The following FBN3 variants were observed in gnomAD, a reference collection of about 807,000 sequenced individuals.
FBN3 encodes fibrillin 3, also known as fibrillin-3.
FBN3 carries 234 observed loss-of-function variants against 330.1 expected under a neutral mutation model. The ratio of observed to expected loss-of-function variants is 0.71; its 90% CI spans 0.64 to 0.79. The LOEUF is 0.79. FBN3 is among the 30% of genes least tolerant of loss of function. The probability of loss-of-function intolerance (pLI) is 0.00; values close to 1 mark genes in which losing one functional copy is unlikely to be tolerated. For missense variants in FBN3, 3,606 were observed against 3,886.9 expected, an observed-to-expected ratio of 0.93 and a Z score of 1.92; for synonymous variants, 1,458 against 1,517.3, an observed-to-expected ratio of 0.96 and a Z score of 0.91.
chr19:8,109,277 A>T lies in FBN3; in HGVS notation c.4568T>A (p.Leu1523Gln). Reference sequence around the variant, plus strand: ...ACAGGGATTGCCCCAAGCCCGGCCCAGGGAGCAACAGCAGGAAGCTCGGGT... The same window carrying T: ...ACAGGGATTGCCCCAAGCCCGGCCCTGGGAGCAACAGCAGGAAGCTCGGGT... ...GVTRASCCCS[L>Q]GRAWGNPCEL... is the part of the protein sequence containing the mutation. The change falls in exon 36 of 64, where the codon CTG (leucine) becomes CAG (glutamine). Residue 1523 changes from leucine (L) to glutamine (Q), a missense_variant. Transcript: ENST00000600128. This position sits in a 1 kb window ranked among gnomAD's most constrained non-coding sequence, Gnocchi z 5.2. 6.2e-7 allele frequency: 1 copy of T among 1,614,120 alleles called. No individual in the cohort carries two copies. Among genetic ancestry groups the T allele is most frequent in the East Asian group, 2.2e-5 (1 of 44,888 alleles).
chr19:8,079,925 T>C (rs1298722144), intron 59 of FBN3, among the ~76,000 whole-genome samples: 1 of 152,214 alleles, frequency 6.6e-6, no homozygotes, highest in Non-Finnish European at 1.5e-5. Flanking sequence ...TGTCTGCCTC[T>C]AGTCTTGATT....
In FBN3 at chr19:8,100,351, C is replaced by CA. The variant is rs201560844; in HGVS notation, c.5161+549dup. ...GGTTCAAATGATACTTTCTCGGAGA[C>CA]AAAAAAAAAAAAGTCTTACTCTATC... On this transcript the variant is annotated intron_variant, in intron 41 of 63. Transcript: ENST00000600128. Among the ~76,000 whole-genome samples the CA allele has an allele frequency of 6.3e-4, 88 of 140,778 alleles. 1 individual carries two copies. Among genetic ancestry groups the CA allele is most frequent in the South Asian group, 1.2e-3 (5 of 4,338 alleles). 92.4% of individuals were successfully genotyped at this position (140,778 alleles called of 152,430 possible). A position where few individuals can be genotyped will look rare whatever the true frequency, so the allele number is the denominator to read the frequency against.
chr19:8,117,470 A>C lies in FBN3; in HGVS notation c.3457T>G (p.Cys1153Gly), dbSNP rs754148650. The C allele has an allele frequency of 2.4e-5, 38 of 1,561,390 alleles. No individual in the cohort carries two copies. Among genetic ancestry groups the C allele is most frequent in the Non-Finnish European group, 3.1e-5 (36 of 1,152,402 alleles). ...CAGGTGGGCACAGTCTCACCCACGC[A>C]GCCCTGGCGGTCAGGTGTGCTCTGG... Reference protein sequence around the residue: ...GFQSTPDRQGCVDINECRVQN... With the variant: ...GFQSTPDRQGGVDINECRVQN... The change falls in exon 27 of 64, where the codon TGC becomes GGC. Residue 1153 changes from cysteine to glycine, a missense_variant. Cys to Gly is a radical substitution (Grantham distance 159). Transcript: ENST00000600128.
In FBN3 at chr19:8,123,476, G is replaced by A. The variant is rs755053637; in HGVS notation, c.3070C>T (p.Arg1024Trp). The A allele has an allele frequency of 4.6e-5, 75 of 1,613,724 alleles. No homozygotes were observed. The highest frequency in any genetic ancestry group is 6.7e-5 in the Admixed American group (4 of 59,940). The change falls in exon 24 of 64, where the codon CGG becomes TGG. Residue 1024 changes from arginine to tryptophan, a missense_variant. Transcript: ENST00000600128. ...AGGFALDAQE[R>W]NCTDIDECRI... Reference sequence around the variant, plus strand: ...AGGTGGCACCTACCTGTGCAGTTCCGTTCCTGGGCATCCAGGGCGAAGCCC... The same window carrying A: ...AGGTGGCACCTACCTGTGCAGTTCCATTCCTGGGCATCCAGGGCGAAGCCC...
intron 51 of FBN3, 24 bp from the exon 52 acceptor site, chr19:8,088,203 C>A: frequency 6.4e-7 from 1 of 1,565,248 alleles, no homozygotes. Context: ...AGGGGGTGGT[C>A]AGCACCTGCA....
chr19:8,094,080 T>G (rs1285709575), intron 47 of FBN3, among the ~76,000 whole-genome samples: 1 of 152,086 alleles, frequency 6.6e-6, no homozygotes, highest in East Asian at 1.9e-4. Context: ...GCCAGACTTG[T>G]TAGTCCAGAC....
Position 8,087,991 on chromosome 19 carries a change from C to A in FBN3, c.6497-44G>T, listed in dbSNP as rs377118706. Reference sequence around the variant, plus strand: ...GTGCCAGCTGGGTAGGGACTGAGGGCGGGACCTCCACTCCCTCCCCCAGGC... The same window carrying A: ...GTGCCAGCTGGGTAGGGACTGAGGGAGGGACCTCCACTCCCTCCCCCAGGC... On this transcript the variant is annotated intron_variant, in intron 52 of 63. Coordinates refer to ENST00000600128, the MANE Select transcript of FBN3 (RefSeq NM_032447.5). The A allele has an allele frequency of 5.0e-6, 8 of 1,613,936 alleles. No individual in the cohort carries two copies. The East Asian group carries it at 1.6e-4, about 31-fold the overall frequency.
intron 18 of FBN3, among the ~76,000 whole-genome samples, chr19:8,127,839 G>A (rs1223509645): frequency 6.6e-6 from 1 of 151,898 alleles, no homozygotes. Context: ...AAATTAGCTG[G>A]GCGTGATGGC....
chr19:8,123,657 T>C (rs2082907774), intron 23 of FBN3, 68 bp from the exon 24 acceptor site: 14 of 1,604,348 alleles, frequency 8.7e-6, no homozygotes, highest in South Asian at 1.1e-5. Context: ...AAGCCCTCCC[T>C]GGGTTCTTAG....
intron 18 of FBN3, among the ~76,000 whole-genome samples, chr19:8,127,146 C>T (rs1443896320): frequency 1.3e-5 from 2 of 149,274 alleles, no homozygotes; most frequent in Non-Finnish European, 3.0e-5. Flanking sequence ...CAACCTCCGT[C>T]TCCCGGGTTC....
At chr19:8,102,356 G>A (rs1206905546) in intron 40 of FBN3, among the ~76,000 whole-genome samples, 6 of 151,890 alleles carry the variant, frequency 4.0e-5, no homozygotes, top group South Asian at 4.2e-4. Context: ...CTGGGATTAC[G>A]GGCCTGCGCC....
At position 8,141,956 on chromosome 19, in the gene FBN3, G is replaced by A; in HGVS notation, c.723C>T (p.His241=). 3 of 1,614,254 alleles carry A rather than the reference G, an allele frequency of 1.9e-6. No individual in the cohort carries two copies. Among genetic ancestry groups the A allele is most frequent in the East Asian group, 2.2e-5 (1 of 44,894 alleles). The change falls in exon 7 of 64, where the codon CAC becomes CAT. Residue 241 remains histidine (H), a synonymous_variant. Transcript: ENST00000600128. ...PCRRGFIPNI[H]TGACQDVDEC... ...ACTATTCACCTTGGCAGGCCCCCGT[G>A]TGGATATTGGGGATGAAGCCGCGGC...
At chr19:8,148,402 G>A (rs2083600517) in intron 1 of FBN3, among the ~76,000 whole-genome samples, 1 of 152,166 alleles carries the variant, frequency 6.6e-6, no homozygotes, top group Admixed American at 6.5e-5. Flanking sequence ...CCGCTTCTGT[G>A]CCCATTTCAC....
chr19:8,080,124 G>C (rs1430198286), intron 59 of FBN3, among the ~76,000 whole-genome samples: 1 of 152,220 alleles, frequency 6.6e-6, no homozygotes, highest in East Asian at 1.9e-4. Context: ...GCTTGGCTGT[G>C]TGTCAATCAA....
intron 59 of FBN3, 79 bp from the exon 60 acceptor site, chr19:8,075,490 C>T: frequency 6.8e-6 from 10 of 1,476,974 alleles, no homozygotes; most frequent in Non-Finnish European, 9.2e-6. Flanking sequence ...AGTCCCACCA[C>T]TGTGTGGCTT....
At chr19:8,103,412 T>A in intron 39 of FBN3, 150 bp downstream of exon 39, 1 of 794,524 alleles carries the variant, frequency 1.3e-6, no homozygotes, top group East Asian at 2.6e-5. Flanking sequence ...TCTGGGCTCC[T>A]GAGTCCTGCA....
In FBN3 at chr19:8,119,021, G is replaced by A. The variant is rs773284996; in HGVS notation, c.3213C>T (p.Asp1071=). The change falls in exon 26 of 64, where the codon GAC becomes GAT. Residue 1071 remains aspartate, a splice_region_variant and synonymous_variant. Transcript: ENST00000600128. The part of the protein sequence containing the change: ...SGFMLMKNCM[D]VDECARDPLL... Reference sequence around the variant, plus strand: ...GCGGGTCCCTTGCACACTCGTCCACGTCTGAAGGTTTGTGTGGAAAGAGAG... The same window carrying A: ...GCGGGTCCCTTGCACACTCGTCCACATCTGAAGGTTTGTGTGGAAAGAGAG... 7.5e-6 allele frequency: 12 copies of A among 1,593,530 alleles called. No individual in the cohort carries two copies. In the East Asian group the frequency reaches 9.0e-5, roughly 12 times the overall value.
At position 8,100,991 on chromosome 19, in the gene FBN3, A is replaced by C. The variant is rs1337939647; in HGVS notation, c.5090-19T>G. 8.1e-6 allele frequency: 13 copies of C among 1,608,494 alleles called. No homozygotes were observed. Among genetic ancestry groups the C allele is most frequent in the Non-Finnish European group, 9.4e-6 (11 of 1,175,974 alleles). On this transcript the variant is annotated intron_variant, in intron 40 of 63. Coordinates refer to ENST00000600128, the MANE Select transcript of FBN3 (RefSeq NM_032447.5). ...TAGTCAGCTGCGCAAAGGGGAACAAAGCTGAGTCTGGGGCTGCAGGCCTGA... is the reference window on the plus strand; with the variant it reads ...TAGTCAGCTGCGCAAAGGGGAACAACGCTGAGTCTGGGGCTGCAGGCCTGA...
In FBN3 at chr19:8,088,169, C is replaced by T. The variant is rs868861390; in HGVS notation, c.6387G>A (p.Glu2129=). ...FTGINCVDTD[E]CSVGHPCGQG... is the part of the protein sequence containing the mutation. ...GCCCACAGGGGTGGCCGACAGAGCA[C>T]TCGTCTGTGTCTGGGTGGGAGTAAG... Residue 2129 remains glutamate, a synonymous_variant, in exon 52 of 64, where the codon GAG becomes GAA. Transcript: ENST00000600128. 6.2e-7 allele frequency: 1 copy of T among 1,601,014 alleles called. No homozygotes were observed. The highest frequency in any genetic ancestry group is 8.5e-7 in the Non-Finnish European group (1 of 1,171,954).
Sources: gnomAD v4.1 joint callset for allele counts (sites outside exome capture counted in the v4.1 genomes callset) on GRCh38, gnomAD v4.1.1 for gene constraint, Gnocchi (gnomAD v3.1) non-coding constraint, MANE v1.5 for transcripts, NCBI Gene and HGNC (gene_info 2026-07-23, HGNC 2026-07-21) for gene names.